The following TPD52L1 variants were observed in gnomAD, a reference collection of about 807,000 sequenced individuals.
TPD52L1 encodes TPD52 like 1, also known as tumor protein D53.
TPD52L1 carries 18 observed loss-of-function variants against 28.7 expected under a neutral mutation model. That is an observed-to-expected ratio of 0.63 (90% confidence interval 0.43 to 0.93). TPD52L1 has a LOEUF of 0.93. TPD52L1 is among the 40% of genes least tolerant of loss of function. The pLI is 0.00. For synonymous variants in TPD52L1, 75 were observed against 88.8 expected, an observed-to-expected ratio of 0.84 and a Z score of 0.88; for missense variants, 203 against 254.8, an observed-to-expected ratio of 0.80 and a Z score of 1.39.
chr6:125,231,580 A>C (rs908953870), intron 3 of TPD52L1, among the ~76,000 whole-genome samples: 1 of 151,990 alleles, frequency 6.6e-6, no homozygotes, highest in Admixed American at 6.6e-5. Flanking sequence ...TGGAGTTTAG[A>C]GTCTAGTTAG....
intron 3 of TPD52L1, among the ~76,000 whole-genome samples, chr6:125,246,294 A>G (rs1009428227): frequency 2.0e-5 from 3 of 151,970 alleles, no homozygotes; most frequent in African/African-American, 7.3e-5. Flanking sequence ...CTCCTCTCGC[A>G]CTCTAGGAAC....
intron 4 of TPD52L1, among the ~76,000 whole-genome samples, chr6:125,249,319 T>A (rs1285004899): frequency 1.4e-5 from 2 of 146,218 alleles, no homozygotes; most frequent in Non-Finnish European, 3.0e-5. Flanking sequence ...ATTTCTTCTT[T>A]AAAAAAAAAA....
chr6:125,248,474 T>C (rs556850930), intron 4 of TPD52L1, 91 bp downstream of exon 4: 14 of 861,300 alleles, frequency 1.6e-5, no homozygotes, highest in East Asian at 5.1e-5. Context: ...TCTCAACATA[T>C]GTATTTTTTT....
intron 2 of TPD52L1, among the ~76,000 whole-genome samples, chr6:125,227,944 A>C (rs1361724417): frequency 6.6e-6 from 1 of 152,230 alleles, no homozygotes; most frequent in Non-Finnish European, 1.5e-5. Context: ...TAGCAGCTTT[A>C]TTTGCATTAG....
At chr6:125,217,742 C>T (rs1794978453) in intron 1 of TPD52L1, among the ~76,000 whole-genome samples, 1 of 152,180 alleles carries the variant, frequency 6.6e-6, no homozygotes, top group Non-Finnish European at 1.5e-5. Context: ...GAGAAAACCA[C>T]AGTCCTAAAT....
intron 1 of TPD52L1, among the ~76,000 whole-genome samples, chr6:125,193,267 T>A (rs1207288305): frequency 1.3e-5 from 2 of 152,164 alleles, no homozygotes; most frequent in African/African-American, 2.4e-5. Flanking sequence ...GCAGAAGGAC[T>A]TCGGGGCTTT....
chr6:125,160,869 T>TTTTGG (rs1790478191), intron 1 of TPD52L1, among the ~76,000 whole-genome samples: 1 of 149,820 alleles, frequency 6.7e-6, no homozygotes, highest in Non-Finnish European at 1.5e-5. Context: ...TTTTTTTTTT[T>TTTTGG]GAGATGGAGT....
chr6:125,212,544 G>A (rs1794593647), intron 1 of TPD52L1, among the ~76,000 whole-genome samples: 1 of 152,236 alleles, frequency 6.6e-6, no homozygotes, highest in African/African-American at 2.4e-5. Flanking sequence ...GCCAATGAGT[G>A]ATTTCATTGC....
At chr6:125,212,314 C>T (rs1384870403) in intron 1 of TPD52L1, among the ~76,000 whole-genome samples, 3 of 152,108 alleles carry the variant, frequency 2.0e-5, no homozygotes, top group Non-Finnish European at 4.4e-5. Context: ...CACAGTTGGA[C>T]TTATTTAATT....
At chr6:125,172,081 TCTTTCTTTCTTTCTTTCC>T (rs1182227020) in intron 1 of TPD52L1, among the ~76,000 whole-genome samples, 2 of 93,446 alleles carry the variant, frequency 2.1e-5, no homozygotes, top group East Asian at 5.3e-4. Flanking sequence ...TCTTTCTTTC[TCTTTCTTTCTTTCTTTCC>T]CTTTCTTTCT....
chr6:125,185,541 A>G (rs534238991), intron 1 of TPD52L1, among the ~76,000 whole-genome samples: 1 of 152,254 alleles, frequency 6.6e-6, no homozygotes, highest in Admixed American at 6.5e-5. Context: ...AGATAAAATC[A>G]GAATGAAATT....
At chr6:125,205,023 C>A (rs1392454381) in intron 1 of TPD52L1, among the ~76,000 whole-genome samples, 1 of 152,152 alleles carries the variant, frequency 6.6e-6, no homozygotes, top group African/African-American at 2.4e-5. Flanking sequence ...AGCAAATAAT[C>A]TTTTGCTGTT....
chr6:125,159,782 G>T (rs28858528), intron 1 of TPD52L1, among the ~76,000 whole-genome samples: 123 of 151,898 alleles, frequency 8.1e-4, no homozygotes, highest in African/African-American at 2.7e-3. Context: ...GTAGACGTGT[G>T]AGCAATGTTA....
intron 3 of TPD52L1, among the ~76,000 whole-genome samples, chr6:125,243,236 A>T (rs183232115): frequency 1.3e-5 from 2 of 152,018 alleles, no homozygotes; most frequent in Non-Finnish European, 2.9e-5. Context: ...TGCTCTTAAG[A>T]TTCTTTTCTT....
chr6:125,218,646 C>A (rs1795036064), intron 1 of TPD52L1, among the ~76,000 whole-genome samples: 1 of 152,100 alleles, frequency 6.6e-6, no homozygotes. Flanking sequence ...TTAAGAAGTC[C>A]CTTCCTAACC....
At chr6:125,227,727 C>T (rs1348941855) in intron 2 of TPD52L1, among the ~76,000 whole-genome samples, 1 of 152,180 alleles carries the variant, frequency 6.6e-6, no homozygotes. Context: ...AGTATGACAA[C>T]TAATTAAAAT....
intron 3 of TPD52L1, among the ~76,000 whole-genome samples, chr6:125,242,803 G>A (rs1314983714): frequency 6.6e-6 from 1 of 152,238 alleles, no homozygotes; most frequent in South Asian, 2.1e-4. Flanking sequence ...AGTTAGTATT[G>A]AGATGTGAGG....
At chr6:125,257,765 A>G (rs1379548742) in intron 6 of TPD52L1, among the ~76,000 whole-genome samples, 1 of 152,222 alleles carries the variant, frequency 6.6e-6, no homozygotes, top group Non-Finnish European at 1.5e-5. Context: ...CACTGGAATT[A>G]TTGTTCTAGC....
At position 125,200,697 on chromosome 6, in the gene TPD52L1, G is replaced by A. The variant is rs139057607; in HGVS notation, c.20-19381G>A. Among the ~76,000 whole-genome samples the A allele has an allele frequency of 3.7e-3, 569 of 152,212 alleles. 2 individuals are homozygous for A. Among genetic ancestry groups the A allele is most frequent in the African/African-American group, 0.013 (543 of 41,534 alleles). ...ATGGTGTTTTATTCCTCCCCCAAATGGTGCAGATGCAAATATGATGCAGTA... is the reference window on the plus strand; with the variant it reads ...ATGGTGTTTTATTCCTCCCCCAAATAGTGCAGATGCAAATATGATGCAGTA... On this transcript the variant is annotated intron_variant, in intron 1 of 6. Transcript: ENST00000534000.
Sources: gnomAD v4.1 joint callset for allele counts (sites outside exome capture counted in the v4.1 genomes callset) on GRCh38, gnomAD v4.1.1 for gene constraint, MANE v1.5 for transcripts, NCBI Gene and HGNC (gene_info 2026-07-23, HGNC 2026-07-21) for gene names.